The following ANKRD36C variants were observed in gnomAD, a reference collection of about 807,000 sequenced individuals.
The protein encoded by ANKRD36C is ankyrin repeat domain-containing protein 36C.
Under a neutral mutation model 276.4 loss-of-function variants are expected in ANKRD36C, and 61 were observed. That is an observed-to-expected ratio of 0.22 (90% CI 0.18 to 0.27). The LOEUF (loss-of-function observed/expected upper bound fraction) is 0.27. ANKRD36C is among the 10% of genes least tolerant of loss of function. The probability of loss-of-function intolerance (pLI) is 1.00; values close to 1 mark genes in which losing one functional copy is unlikely to be tolerated. For synonymous variants in ANKRD36C, 483 were observed against 680.1 expected (o/e 0.71, Z 4.51); for missense variants, 1,447 against 2,032.3 (o/e 0.71, Z 5.54).
At chr2:95,869,260 T>C (rs1675748532) in intron 59 of ANKRD36C, among the ~76,000 whole-genome samples, 1 of 152,102 alleles carries the variant, frequency 6.6e-6, no homozygotes, top group Admixed American at 6.6e-5. Context: ...CTAAAATCAG[T>C]GAAAAACATA....
intron 6 of ANKRD36C, among the ~76,000 whole-genome samples, chr2:95,975,151 A>G (rs1351738417): frequency 1.3e-5 from 2 of 152,298 alleles, no homozygotes; most frequent in Middle Eastern, 3.4e-3. Context: ...ATGGAAGAAC[A>G]TTCCATTCTC....
exon 54 of ANKRD36C, chr2:95,884,211 A>G: frequency 6.2e-7 from 1 of 1,609,728 alleles, no homozygotes; most frequent in East Asian, 2.2e-5. Flanking sequence ...TTCTCTGGCT[A>G]TATTCGAAAC....
rs543560454 is a variant in ANKRD36C, at chr2:95,946,353, A to G, written c.1363-1179T>C. Among the ~76,000 whole-genome samples the G allele has an allele frequency of 2.0e-3, 301 of 148,332 alleles. 1 individual carries two copies. The highest frequency in any genetic ancestry group is 7.1e-3 in the African/African-American group (286 of 40,404). On this transcript the variant is annotated intron_variant, in intron 17 of 66. Transcript: ENST00000456556. The stretch of plus-strand genomic sequence containing the variant: ...CAGAGAAATGCAAATCAAAACCACA[A>G]TGAGATACCATCTCACACCAGTTAG...
intron 5 of ANKRD36C, among the ~76,000 whole-genome samples, chr2:95,978,759 T>G (rs1239839501): frequency 2.6e-5 from 4 of 152,072 alleles, no homozygotes; most frequent in African/African-American, 9.7e-5. Context: ...ATTGTTCTAT[T>G]ATTTGTGGCT....
At chr2:95,986,781 T>C (rs1041005571) in exon 3 of ANKRD36C, 7 of 1,611,888 alleles carry the variant, frequency 4.3e-6, no homozygotes, top group African/African-American at 1.3e-5. Flanking sequence ...TTGCACCATA[T>C]GAAAGAAGTT....
chr2:95,961,335 A>C (rs1678455372), intron 8 of ANKRD36C, among the ~76,000 whole-genome samples: 1 of 152,078 alleles, frequency 6.6e-6, no homozygotes, highest in South Asian at 2.1e-4. Flanking sequence ...CATGGCAAGA[A>C]AGTATAATAT....
intron 44 of ANKRD36C, among the ~76,000 whole-genome samples, chr2:95,897,014 A>G (rs1676569965): frequency 6.7e-6 from 1 of 148,988 alleles, no homozygotes; most frequent in African/African-American, 2.5e-5. Context: ...TGTTCCCCAG[A>G]GCCCCTTATG....
intron 36 of ANKRD36C, 81 bp from the exon 39 acceptor site, chr2:95,916,252 A>C (rs1677092624): frequency 5.1e-6 from 8 of 1,581,640 alleles, no homozygotes; most frequent in Non-Finnish European, 6.9e-6. Context: ...GTTAGCATCA[A>C]CCTCTGAACT....
chr2:95,947,045 A>T (rs1261713037), intron 17 of ANKRD36C, among the ~76,000 whole-genome samples: 2 of 152,058 alleles, frequency 1.3e-5, no homozygotes, highest in South Asian at 2.1e-4. Flanking sequence ...ATAAAAAAAT[A>T]AAAAAATAAA....
At chr2:95,919,597 A>T in intron 34 of ANKRD36C, 136 bp downstream of exon 36, 1 of 449,668 alleles carries the variant, frequency 2.2e-6, no homozygotes, top group Non-Finnish European at 2.9e-6. Flanking sequence ...ATTACAAATG[A>T]AAAATCTCAG....
intron 28 of ANKRD36C, among the ~76,000 whole-genome samples, chr2:95,926,416 A>G (rs1203438947): frequency 6.6e-6 from 1 of 151,576 alleles, no homozygotes; most frequent in Non-Finnish European, 1.5e-5. Flanking sequence ...GGCATAAAAT[A>G]TCATGTTATT....
intron 32 of ANKRD36C, 50 bp downstream of exon 32, chr2:95,923,445 T>A: frequency 1.3e-6 from 2 of 1,591,932 alleles, no homozygotes; most frequent in Non-Finnish European, 8.6e-7. Flanking sequence ...GAAGAGAAGT[T>A]CTTTTCTATC....
intron 24 of ANKRD36C, among the ~76,000 whole-genome samples, chr2:95,932,368 C>G (rs1424744315): frequency 8.6e-5 from 13 of 150,814 alleles, no homozygotes; most frequent in African/African-American, 3.0e-4. Context: ...TACAATAAAT[C>G]AAGAAATACC....
chr2:95,873,202 G>A (rs1279148287), intron 59 of ANKRD36C, among the ~76,000 whole-genome samples: 1 of 152,128 alleles, frequency 6.6e-6, no homozygotes, highest in Non-Finnish European at 1.5e-5. Context: ...AAGCCGGGCA[G>A]AGACACAACC....
At chr2:95,889,974 C>T (rs750683728) in exon 47 of ANKRD36C, 2 of 1,609,828 alleles carry the variant, frequency 1.2e-6, no homozygotes, top group Admixed American at 3.3e-5. Context: ...ACCTTCAAGG[C>T]TGGTTGTTTA....
chr2:95,854,839 ACACTT>A (rs1471756982), intron 63 of ANKRD36C, among the ~76,000 whole-genome samples: 1 of 151,968 alleles, frequency 6.6e-6, no homozygotes, highest in Non-Finnish European at 1.5e-5. Flanking sequence ...AATAGGGAAT[ACACTT>A]CAGTTCATCT....
chr2:95,897,988 A>G (rs1298733370), intron 44 of ANKRD36C, among the ~76,000 whole-genome samples: 2 of 146,486 alleles, frequency 1.4e-5, no homozygotes, highest in East Asian at 2.0e-4. Context: ...GTGCTAAATT[A>G]ATCACCTTGG....
At chr2:95,939,413 G>T (rs566362155) in intron 20 of ANKRD36C, among the ~76,000 whole-genome samples, 9 of 152,128 alleles carry the variant, frequency 5.9e-5, no homozygotes, top group African/African-American at 2.2e-4. Context: ...GCATGAAAAT[G>T]TATCATTCGC....
intron 6 of ANKRD36C, among the ~76,000 whole-genome samples, chr2:95,975,367 A>T (rs1573814794): frequency 1.3e-5 from 2 of 152,198 alleles, no homozygotes; most frequent in Non-Finnish European, 2.9e-5. Context: ...ACACTACCTG[A>T]CTTCAAACTA....
Sources: gnomAD v4.1 joint callset for allele counts (sites outside exome capture counted in the v4.1 genomes callset) on GRCh38, gnomAD v4.1.1 for gene constraint, MANE v1.5 for transcripts, NCBI Gene and HGNC (gene_info 2026-07-23, HGNC 2026-07-21) for gene names.